Variants in UGT1A3 observed in about 807,000 individuals in gnomAD.
UGT1A3 encodes the protein UDP glucuronosyltransferase family 1 member A3.
In UGT1A3, 31 loss-of-function variants were observed where a neutral mutation model predicts 41.0. That is an observed-to-expected ratio of 0.76 (90% CI 0.57 to 1.02). UGT1A3 has a LOEUF of 1.02. Among genes scored for constraint, UGT1A3 ranks in the 50% least tolerant of loss-of-function variants. The probability of loss-of-function intolerance (pLI) is 0.00; values close to 1 mark genes in which losing one functional copy is unlikely to be tolerated. For synonymous variants in UGT1A3, 262 were observed against 257.6 expected, an observed-to-expected ratio of 1.02 and a Z score of -0.17; for missense variants, 737 against 671.0, an observed-to-expected ratio of 1.10 and a Z score of -1.09.
chr2:233,729,353 C>G lies in UGT1A3; in HGVS notation c.227C>G (p.Thr76Ser). 1 of 1,614,162 alleles carries G rather than the reference C, an allele frequency of 6.2e-7. No individual in the cohort carries two copies. Among genetic ancestry groups the G allele is most frequent in the South Asian group, 1.1e-5 (1 of 91,068 alleles). Residue 76 changes from threonine to serine, a missense_variant, in exon 1 of 5, where the codon ACC becomes AGC. Coordinates refer to ENST00000482026, the MANE Select transcript of UGT1A3 (RefSeq NM_019093.4). ...NMHIKEENFFTLTTYAISWTQ... is the reference protein window; with the variant it reads ...NMHIKEENFFSLTTYAISWTQ... ...CACATCAAAGAAGAGAACTTTTTCA[C>G]CCTGACAACCTATGCCATTTCGTGG... is the stretch of plus-strand genomic sequence containing the variant.
chr2:233,743,994 TG>T, intron 1 of UGT1A3: 1 of 1,253,164 alleles, frequency 8.0e-7, no homozygotes, highest in Non-Finnish European at 1.0e-6. Flanking sequence ...CAGGCCCGAG[TG>T]CTCGGAGACC....
intron 1 of UGT1A3, among the ~76,000 whole-genome samples, chr2:233,766,449 C>T (rs1213957356): frequency 6.6e-6 from 1 of 152,156 alleles, no homozygotes; most frequent in Non-Finnish European, 1.5e-5. Flanking sequence ...TGTCTGCCTG[C>T]TAGGGTCTTG....
chr2:233,756,971 C>T (rs1226266668), intron 1 of UGT1A3, among the ~76,000 whole-genome samples: 8 of 151,892 alleles, frequency 5.3e-5, no homozygotes, highest in African/African-American at 1.9e-4. Flanking sequence ...GGTAAGCACG[C>T]AATGAACAGT....
intron 1 of UGT1A3, chr2:233,761,197 G>T (rs369591851): frequency 8.1e-6 from 13 of 1,614,114 alleles, no homozygotes; most frequent in Non-Finnish European, 1.1e-5. Flanking sequence ...TCTTTCAGAT[G>T]TATTACTTTG....
intron 1 of UGT1A3, among the ~76,000 whole-genome samples, chr2:233,749,524 A>C (rs1694211122): frequency 6.6e-6 from 1 of 151,812 alleles, no homozygotes; most frequent in Non-Finnish European, 1.5e-5. Flanking sequence ...AGCAAGGCTA[A>C]TTTTCGAGTG....
intron 1 of UGT1A3, among the ~76,000 whole-genome samples, chr2:233,737,292 G>T (rs573133918): frequency 6.6e-6 from 1 of 152,194 alleles, no homozygotes; most frequent in Non-Finnish European, 1.5e-5. Flanking sequence ...CCAGGCTGCC[G>T]CCTCACAGTT....
At chr2:233,744,478 A>C (rs921058584) in intron 1 of UGT1A3, among the ~76,000 whole-genome samples, 8 of 152,046 alleles carry the variant, frequency 5.3e-5, no homozygotes, top group South Asian at 2.1e-4. Context: ...AAGACATATT[A>C]ATTGGGCAAT....
intron 1 of UGT1A3, chr2:233,743,605 G>A (rs376857469): frequency 9.1e-5 from 125 of 1,367,170 alleles, no homozygotes; most frequent in Middle Eastern, 2.1e-4. Context: ...CCTGGCCGCC[G>A]AAGAACTCCC....
chr2:233,748,523 T>TA (rs988670455), intron 1 of UGT1A3, among the ~76,000 whole-genome samples: 2 of 151,784 alleles, frequency 1.3e-5, no homozygotes, highest in Admixed American at 6.5e-5. Flanking sequence ...TTGCGAATGA[T>TA]AGAGAGGTGA....
chr2:233,760,827 A>G lies in UGT1A3; in HGVS notation c.868-6207A>G, dbSNP rs148755655. ...TGCATGCACTGCCATGCAGCCTGGA[A>G]TTTGAGGCTACCCAGTGCCCCAACC... On this transcript the variant is annotated intron_variant, in intron 1 of 4. Transcript: ENST00000482026. 4,073 of 1,613,502 alleles carry G rather than the reference A, an allele frequency of 2.5e-3. 8 individuals carry two copies. The highest frequency in any genetic ancestry group is 3.2e-3 in the Non-Finnish European group (3,736 of 1,179,512).
intron 4 of UGT1A3, 68 bp from the exon 5 acceptor site, chr2:233,772,194 T>G (rs921300076): frequency 1.9e-6 from 3 of 1,602,000 alleles, no homozygotes; most frequent in African/African-American, 2.7e-5. Context: ...TAAGCAGCCA[T>G]GAGCATAAAG....
intron 1 of UGT1A3, chr2:233,760,131 T>A: frequency 7.3e-7 from 1 of 1,362,720 alleles, no homozygotes; most frequent in African/African-American, 1.5e-5. Context: ...TCCACCTTCT[T>A]TATCTCTGAA....
In UGT1A3 at chr2:233,736,924, C is replaced by T. The variant is rs544385943; in HGVS notation, c.867+6931C>T. The stretch of plus-strand genomic sequence containing the variant: ...TCCTCTGGAAGCTTCATACCAGAGG[C>T]GCACCCACCTATATGAGGTGTCTGT... On this transcript the variant is annotated intron_variant, in intron 1 of 4. Coordinates refer to ENST00000482026, the MANE Select transcript of UGT1A3 (RefSeq NM_019093.4). Among the ~76,000 whole-genome samples the T allele has an allele frequency of 2.3e-4, 35 of 152,234 alleles. No homozygotes were observed. The South Asian group carries it at 6.0e-3, about 26-fold the overall frequency.
Position 233,765,258 on chromosome 2 carries a change from A to G in UGT1A3, c.868-1776A>G, listed in dbSNP as rs28900400. On this transcript the variant is annotated intron_variant, in intron 1 of 4. Coordinates refer to ENST00000482026, the MANE Select transcript of UGT1A3 (RefSeq NM_019093.4). ...AGACTCAGTAATCCCATTACTGGGT[A>G]TATACCCAAAGAAATATAAATTATT... Among the ~76,000 whole-genome samples, 1,446 of 152,334 alleles carry G rather than the reference A, an allele frequency of 9.5e-3. 33 individuals carry two copies. Among genetic ancestry groups the G allele is most frequent in the African/African-American group, 0.033 (1,355 of 41,576 alleles).
Position 233,747,869 on chromosome 2 carries a change from C to T in UGT1A3, c.867+17876C>T, listed in dbSNP as rs1693798150. The T allele has an allele frequency of 2.5e-6, 4 of 1,613,468 alleles. No individual in the cohort carries two copies. In the Admixed American group the frequency reaches 6.7e-5, roughly 27 times the overall value. Reference sequence around the variant, plus strand: ...TCAAGAACATGCTCTACCCTCTGGCCCTGTCCTACCTTTGCCATGCTCTTT... The same window carrying T: ...TCAAGAACATGCTCTACCCTCTGGCTCTGTCCTACCTTTGCCATGCTCTTT... On this transcript the variant is annotated intron_variant, in intron 1 of 4. Coordinates refer to ENST00000482026, the MANE Select transcript of UGT1A3 (RefSeq NM_019093.4).
At chr2:233,743,730 C>T (rs189214805) in intron 1 of UGT1A3, 23 of 1,367,266 alleles carry the variant, frequency 1.7e-5, no homozygotes, top group South Asian at 3.4e-5. Context: ...TCATAGATAT[C>T]GCGTTTCTTG....
intron 1 of UGT1A3, among the ~76,000 whole-genome samples, chr2:233,744,939 T>C (rs1164592780): frequency 6.6e-6 from 1 of 151,916 alleles, no homozygotes; most frequent in Non-Finnish European, 1.5e-5. Context: ...AATGACACAG[T>C]ATTTGTATAT....
At chr2:233,755,311 C>T (rs1380738778) in intron 1 of UGT1A3, 2 of 555,594 alleles carry the variant, frequency 3.6e-6, no homozygotes, top group South Asian at 1.8e-5. Flanking sequence ...GCACAGCGAG[C>T]GGCAAGGCTG....
chr2:233,765,861 A>G (rs1698967280), intron 1 of UGT1A3, among the ~76,000 whole-genome samples: 1 of 152,118 alleles, frequency 6.6e-6, no homozygotes, highest in African/African-American at 2.4e-5. Flanking sequence ...AGAGCATGTG[A>G]CAGCGGGAGG....
Sources: gnomAD v4.1 joint callset for allele counts (sites outside exome capture counted in the v4.1 genomes callset) on GRCh38, gnomAD v4.1.1 for gene constraint, MANE v1.5 for transcripts, NCBI Gene and HGNC (gene_info 2026-07-23, HGNC 2026-07-21) for gene names.